The following SCAF11 variants were observed in gnomAD, a reference collection of about 807,000 sequenced individuals.
SCAF11 encodes the protein SR-related CTD associated factor 11.
A neutral mutation model predicts 140.5 loss-of-function variants in SCAF11; 47 were observed. That is an observed-to-expected ratio of 0.33 (90% confidence interval 0.26 to 0.43). The LOEUF is 0.43. Among genes scored for constraint, SCAF11 ranks in the 20% least tolerant of loss-of-function variants. The pLI is 1.00. For synonymous variants in SCAF11, 557 were observed against 579.4 expected (o/e 0.96, Z 0.55); for missense variants, 1,645 against 1,705.1 (o/e 0.96, Z 0.62).
At chr12:45,965,234 TG>T (rs1945917946) in intron 1 of SCAF11, among the ~76,000 whole-genome samples, 1 of 152,072 alleles carries the variant, frequency 6.6e-6, no homozygotes, top group South Asian at 2.1e-4. Context: ...TGAATTACAA[TG>T]GAAGGAGATT....
chr12:45,923,161 T>C lies in SCAF11; in HGVS notation c.3907-7A>G. 2 of 1,606,016 alleles carry C rather than the reference T, an allele frequency of 1.2e-6. No homozygotes were observed. The highest frequency in any genetic ancestry group is 1.7e-6 in the Non-Finnish European group (2 of 1,172,760). ...GAGAAGAACTAGGAATACCCTGTTT[T>C]AAAGAGTTATCATCAGTTAATGAAT... On this transcript the variant is annotated splice_polypyrimidine_tract_variant and splice_region_variant and intron_variant, in intron 12 of 14. Coordinates refer to ENST00000369367, the MANE Select transcript of SCAF11 (RefSeq NM_004719.3).
At chr12:45,974,088 A>G (rs968969487) in intron 1 of SCAF11, 2 of 415,814 alleles carry the variant, frequency 4.8e-6, no homozygotes, top group East Asian at 7.2e-5. Flanking sequence ...AAGTCACACA[A>G]AATTTTTGGT....
At chr12:45,977,631 C>T (rs1946265114) in intron 1 of SCAF11, among the ~76,000 whole-genome samples, 1 of 152,118 alleles carries the variant, frequency 6.6e-6, no homozygotes, top group South Asian at 2.1e-4. Context: ...ATATTATGAA[C>T]TAAAATATAA....
In SCAF11 at chr12:45,928,725, T is replaced by TAAA. The variant is rs1944964402; in HGVS notation, c.975_976insTTT (p.Arg325_Asn326insPhe). The TAAA allele has an allele frequency of 6.2e-7, 1 of 1,614,118 alleles. No homozygotes were observed. Among genetic ancestry groups the TAAA allele is most frequent in the African/African-American group, 1.3e-5 (1 of 75,016 alleles). ...TGACTGGCTGTTTCAGCTCTTGTGT[T>TAAA]ACGTGTAGACCTCCTTGTAGGAGTT... On this transcript the variant is annotated inframe_insertion, in exon 11 of 15. Transcript: ENST00000369367.
At chr12:45,986,816 C>T (rs940022777) in intron 1 of SCAF11, among the ~76,000 whole-genome samples, 3 of 152,076 alleles carry the variant, frequency 2.0e-5, no homozygotes, top group African/African-American at 7.2e-5. Flanking sequence ...TTTGCATCTT[C>T]CTCATTTTCT....
At chr12:45,990,900 G>C (rs1165845606), upstream of SCAF11, among the ~76,000 whole-genome samples, 1 of 152,252 alleles carries the variant, frequency 6.6e-6, no homozygotes, top group African/African-American at 2.4e-5. Flanking sequence ...CGCCCACACT[G>C]CGGATGGTGC....
chr12:45,984,434 C>T (rs566961552), intron 1 of SCAF11, among the ~76,000 whole-genome samples: 106 of 152,234 alleles, frequency 7.0e-4, no homozygotes, highest in African/African-American at 2.4e-3. Context: ...AAATGGCATA[C>T]AATTTCTGTT....
intron 1 of SCAF11, among the ~76,000 whole-genome samples, chr12:45,984,710 T>TC (rs1483726824): frequency 1.6e-4 from 24 of 151,860 alleles, no homozygotes; most frequent in African/African-American, 5.6e-4. Flanking sequence ...TTTTTTTTTT[T>TC]TTGAGGTGGA....
upstream of SCAF11, among the ~76,000 whole-genome samples, chr12:45,991,374 G>C (rs1224219339): frequency 6.6e-6 from 1 of 152,224 alleles, no homozygotes; most frequent in Non-Finnish European, 1.5e-5. Flanking sequence ...AGACCAGCTT[G>C]AGCGACGTAT....
At position 45,951,739 on chromosome 12, in the gene SCAF11, T is replaced by A. The variant is rs942867616; in HGVS notation, c.220-12A>T. 5 of 1,525,818 alleles carry A rather than the reference T, an allele frequency of 3.3e-6. No homozygotes were observed. Among genetic ancestry groups the A allele is most frequent in the South Asian group, 2.5e-5 (2 of 81,388 alleles). The allele number at this position is 1,525,818 out of a possible 1,614,324, so 94.5% of individuals were successfully genotyped here. A position where few individuals can be genotyped will look rare whatever the true frequency, so the allele number is the denominator to read the frequency against. ...CATGAAGCCAGTGTCTGAAAAGTGA[T>A]TAACAAATTATATCTTTACAAATGT... On this transcript the variant is annotated splice_polypyrimidine_tract_variant and intron_variant, in intron 3 of 14. Transcript: ENST00000369367.
At chr12:45,962,876 A>G (rs1945860289) in intron 2 of SCAF11, among the ~76,000 whole-genome samples, 1 of 152,268 alleles carries the variant, frequency 6.6e-6, no homozygotes, top group African/African-American at 2.4e-5. Context: ...CATAGATTTA[A>G]TTTATCAAAT....
rs528025452 is a variant in SCAF11, at chr12:45,946,124, T to C, written c.399-811A>G. Among the ~76,000 whole-genome samples, 20 of 152,338 alleles carry C rather than the reference T, an allele frequency of 1.3e-4. No individual in the cohort carries two copies. In the South Asian group the frequency reaches 3.7e-3, roughly 28 times the overall value. ...GGAAATTCTAGCAAAGAAAGCATGA[T>C]TAGTTTCACTCCTCACTCAGTTACC... On this transcript the variant is annotated intron_variant, in intron 5 of 14. Transcript: ENST00000369367.
rs1404891588 is a variant in SCAF11, at chr12:45,961,868, A to G, written c.62-11T>C. ...CTCCGTTTTCTTCACCTGTTAAAGT[A>G]AAACAGCCATATGTGCTTTCAAGTT... On this transcript the variant is annotated splice_polypyrimidine_tract_variant and intron_variant, in intron 2 of 14. Transcript: ENST00000369367. 16 of 1,593,220 alleles carry G rather than the reference A, an allele frequency of 1.0e-5. No homozygotes were observed. The highest frequency in any genetic ancestry group is 1.2e-5 in the Non-Finnish European group (14 of 1,171,184).
At chr12:45,976,906 C>A (rs983071369) in intron 1 of SCAF11, among the ~76,000 whole-genome samples, 2 of 152,020 alleles carry the variant, frequency 1.3e-5, no homozygotes, top group Non-Finnish European at 2.9e-5. Context: ...AAAGCTCATT[C>A]TTTGAAAAGA....
chr12:45,922,106 T>C lies in SCAF11; in HGVS notation c.4334A>G (p.Lys1445Arg). The C allele has an allele frequency of 6.2e-7, 1 of 1,613,882 alleles. No individual in the cohort carries two copies. The highest frequency in any genetic ancestry group is 8.5e-7 in the Non-Finnish European group (1 of 1,179,942). ...TTCCAGAGTTTTCTTTTGGCTCCCC[T>C]TCCGTGAATATTTGTATTTGTCTAC... ...AYVDKYKYSR[K>R]GSQKKTLEEP... is the part of the protein sequence containing the mutation. Residue 1445 changes from lysine (K) to arginine (R), a missense_variant, in exon 15 of 15, where the codon AAG becomes AGG. Coordinates refer to ENST00000369367, the MANE Select transcript of SCAF11 (RefSeq NM_004719.3).
Position 45,963,150 on chromosome 12 carries a change from C to T in SCAF11, c.61+957G>A, listed in dbSNP as rs115937275. 6.1e-3 allele frequency among the ~76,000 whole-genome samples: 927 copies of T among 152,126 alleles called. 16 individuals are homozygous for T. The highest frequency in any genetic ancestry group is 0.021 in the African/African-American group (863 of 41,482). On this transcript the variant is annotated intron_variant, in intron 2 of 14. Transcript: ENST00000369367. Reference sequence around the variant, plus strand: ...CAGGTTAAGAAATGAGGTTACAGAACGGTCTAACATACTAATTGAAATCCA... The same window carrying T: ...CAGGTTAAGAAATGAGGTTACAGAATGGTCTAACATACTAATTGAAATCCA...
intron 1 of SCAF11, among the ~76,000 whole-genome samples, chr12:45,982,044 C>T (rs1267957774): frequency 6.6e-6 from 1 of 152,112 alleles, no homozygotes; most frequent in Non-Finnish European, 1.5e-5. Context: ...TTAATATGAA[C>T]TATATTTTAA....
intron 3 of SCAF11, 27 bp downstream of exon 3, chr12:45,961,673 T>G: frequency 1.9e-6 from 3 of 1,564,912 alleles, no homozygotes; most frequent in Non-Finnish European, 2.6e-6. Flanking sequence ...GCTAGGAAAT[T>G]AAAATACATT....
chr12:45,986,042 A>G (rs1052258755), intron 1 of SCAF11, among the ~76,000 whole-genome samples: 1 of 152,138 alleles, frequency 6.6e-6, no homozygotes, highest in African/African-American at 2.4e-5. Context: ...TTCTTCCAGC[A>G]AAGTTTTTTA....
Sources: allele counts gnomAD v4.1 joint callset (sites outside exome capture counted in the v4.1 genomes callset), GRCh38; gene constraint gnomAD v4.1.1; transcripts MANE v1.5; gene names NCBI Gene and HGNC (gene_info 2026-07-23, HGNC 2026-07-21).